Variants in RNF144A observed in about 807,000 individuals in gnomAD.
RNF144A encodes the protein ring finger protein 144A.
In RNF144A, 11 loss-of-function variants were observed where a neutral mutation model predicts 38.7. The observed-to-expected ratio is 0.28, with a 90% CI of 0.18 to 0.47. The LOEUF (loss-of-function observed/expected upper bound fraction) is 0.47. Ranked by LOEUF, RNF144A falls within the 20% of genes least tolerant of loss-of-function variation. RNF144A has a pLI of 0.99. For missense variants in RNF144A, 316 were observed against 377.2 expected (o/e 0.84, Z 1.34); for synonymous variants, 149 against 143.9 (o/e 1.04, Z -0.25).
chr2:6,918,844 A>G (rs1664344573), intron 1 of RNF144A: 1 of 150,462 alleles, frequency 6.6e-6, no homozygotes, highest in African/African-American at 2.4e-5. Context: ...CTGGGGTAAC[A>G]GAGGAGTGAG....
intron 5 of RNF144A, among the ~76,000 whole-genome samples, chr2:7,016,154 T>TA (rs1055774947): frequency 4.7e-5 from 7 of 150,126 alleles, no homozygotes; most frequent in South Asian, 2.1e-4. Flanking sequence ...GTAGCCCACT[T>TA]AAAAAAAAAC....
intron 2 of RNF144A, among the ~76,000 whole-genome samples, chr2:6,983,597 A>G (rs1668771555): frequency 6.6e-6 from 1 of 152,166 alleles, no homozygotes; most frequent in South Asian, 2.1e-4. Context: ...ACAGTCCATT[A>G]CTTTGGTCCT....
chr2:6,934,162 G>T (rs953792128), intron 1 of RNF144A, among the ~76,000 whole-genome samples: 2 of 152,172 alleles, frequency 1.3e-5, no homozygotes, highest in South Asian at 2.1e-4. Context: ...ACATTCAACA[G>T]TATTGGGTTT....
chr2:6,967,988 G>A (rs1305750628), intron 2 of RNF144A, among the ~76,000 whole-genome samples: 9 of 152,052 alleles, frequency 5.9e-5, no homozygotes, highest in East Asian at 1.9e-4. Context: ...TTTCAGAAAC[G>A]GGTCACTGCG....
intron 2 of RNF144A, among the ~76,000 whole-genome samples, chr2:6,973,201 C>T (rs3772000): frequency 0.46 from 70,291 of 152,018 alleles, 16,937 homozygotes; most frequent in Non-Finnish European, 0.55. Flanking sequence ...GTTGAGTGTC[C>T]GAGCTGGGGT....
At chr2:6,975,200 T>C (rs1358785715) in intron 2 of RNF144A, among the ~76,000 whole-genome samples, 1 of 152,320 alleles carries the variant, frequency 6.6e-6, no homozygotes, top group East Asian at 1.9e-4. Flanking sequence ...ACATCTCACA[T>C]GGTGGCAGAC....
chr2:7,074,930 A>G, the RNF144A span, among the ~76,000 whole-genome samples: 1 of 152,208 alleles, frequency 6.6e-6, no homozygotes, highest in South Asian at 2.1e-4. Flanking sequence ...GGAGGTTCTC[A>G]ATTTTTTTCT....
At chr2:7,026,860 C>T (rs188756204) in intron 7 of RNF144A, among the ~76,000 whole-genome samples, 133 of 152,304 alleles carry the variant, frequency 8.7e-4, no homozygotes, top group Middle Eastern at 3.4e-3. Flanking sequence ...GGAACCAGGC[C>T]GCACTTTTCC....
chr2:6,929,015 T>G (rs1171298432), intron 1 of RNF144A, among the ~76,000 whole-genome samples: 2 of 152,172 alleles, frequency 1.3e-5, no homozygotes, highest in Admixed American at 1.3e-4. Flanking sequence ...CACAGCAGAC[T>G]TGGTGCCAAG....
intron 7 of RNF144A, among the ~76,000 whole-genome samples, chr2:7,028,294 A>G (rs1290507713): frequency 1.3e-5 from 2 of 152,216 alleles, no homozygotes; most frequent in African/African-American, 4.8e-5. Flanking sequence ...GATGCTGGAA[A>G]GACAAGGTGA....
chr2:6,967,907 A>G (rs1207995290), intron 2 of RNF144A, among the ~76,000 whole-genome samples: 1 of 152,232 alleles, frequency 6.6e-6, no homozygotes, highest in Non-Finnish European at 1.5e-5. Flanking sequence ...AACCCAAAGC[A>G]CTAAGCTACT....
At chr2:6,980,153 A>G (rs1486569428) in intron 2 of RNF144A, among the ~76,000 whole-genome samples, 2 of 152,218 alleles carry the variant, frequency 1.3e-5, no homozygotes, top group Admixed American at 6.5e-5. Flanking sequence ...ACAATTTGAC[A>G]TGAGGATTTG....
chr2:6,960,335 A>G (rs1667261224), intron 2 of RNF144A, among the ~76,000 whole-genome samples: 2 of 152,140 alleles, frequency 1.3e-5, no homozygotes, highest in African/African-American at 4.8e-5. Context: ...TTACTCACCT[A>G]TTTTTTAAAA....
Position 6,982,407 on chromosome 2 carries a change from C to T in RNF144A, c.-11-14509C>T, listed in dbSNP as rs138830448. On this transcript the variant is annotated intron_variant, in intron 2 of 8. Coordinates refer to ENST00000320892, the MANE Select transcript of RNF144A (RefSeq NM_014746.6). ...CCATGGTTGTGGAAGAGGAATTGCC[C>T]TCTTCACACCAAGGAAGGAGGCATT... Among the ~76,000 whole-genome samples, 4 of 152,252 alleles carry T rather than the reference C, an allele frequency of 2.6e-5. No individual in the cohort carries two copies. In the East Asian group the frequency reaches 7.7e-4, roughly 29 times the overall value.
intron 2 of RNF144A, among the ~76,000 whole-genome samples, chr2:6,951,137 C>T (rs866370180): frequency 2.2e-4 from 34 of 152,228 alleles, no homozygotes; most frequent in Middle Eastern, 6.8e-3. Flanking sequence ...TTAGAATTAA[C>T]TTTTGTGTGT....
intron 3 of RNF144A, among the ~76,000 whole-genome samples, chr2:7,004,832 C>A (rs1420426617): frequency 7.9e-5 from 12 of 152,304 alleles, no homozygotes; most frequent in Non-Finnish European, 1.5e-5. Context: ...TGATCTATAA[C>A]TTCCTCTAAA....
At chr2:6,978,182 G>A (rs11687069) in intron 2 of RNF144A, among the ~76,000 whole-genome samples, 10,922 of 152,246 alleles carry the variant, frequency 0.072, 519 homozygotes, top group Non-Finnish European at 0.11. Flanking sequence ...GGAATGACAG[G>A]AAGCTCCTAA....
chr2:6,980,578 G>A (rs575229077), intron 2 of RNF144A, among the ~76,000 whole-genome samples: 14 of 152,192 alleles, frequency 9.2e-5, no homozygotes, highest in Admixed American at 6.5e-5. Context: ...AGGCTCTCAC[G>A]GCCTTGGGCA....
At chr2:7,063,752 C>A (rs1202534194) in intron 6 of RNF144A, among the ~76,000 whole-genome samples, 1 of 152,126 alleles carries the variant, frequency 6.6e-6, no homozygotes, top group South Asian at 2.1e-4. Context: ...AATGTTCTAA[C>A]GTCTAATGCT....
Sources: allele counts gnomAD v4.1 joint callset (sites outside exome capture counted in the v4.1 genomes callset), GRCh38; gene constraint gnomAD v4.1.1; transcripts MANE v1.5; gene names NCBI Gene and HGNC (gene_info 2026-07-23, HGNC 2026-07-21).